PKNOX2: variants seen among roughly 807,000 people sequenced by gnomAD.
PKNOX2 encodes homeobox protein PKNOX2.
PKNOX2 carries 14 observed loss-of-function variants against 53.1 expected under a neutral mutation model. That is an observed-to-expected ratio of 0.26 (90% CI 0.17 to 0.41). The LOEUF is 0.41. Ranked by LOEUF, PKNOX2 falls within the 10% of genes least tolerant of loss-of-function variation. PKNOX2 has a pLI of 1.00. For missense variants in PKNOX2, 496 were observed against 602.8 expected, an observed-to-expected ratio of 0.82 and a Z score of 1.85; for synonymous variants, 257 against 242.8, an observed-to-expected ratio of 1.06 and a Z score of -0.54.
intron 2 of PKNOX2, among the ~76,000 whole-genome samples, chr11:125,293,213 C>T (rs1947421554): frequency 6.6e-6 from 1 of 152,124 alleles, no homozygotes; most frequent in South Asian, 2.1e-4. Flanking sequence ...TACACACACA[C>T]ACAACTATAT....
intron 2 of PKNOX2, among the ~76,000 whole-genome samples, chr11:125,289,882 C>T (rs1245189006): frequency 2.0e-5 from 3 of 152,304 alleles, no homozygotes; most frequent in Non-Finnish European, 2.9e-5. Context: ...AGGCTTCATC[C>T]GTTGCCCAAT....
intron 2 of PKNOX2, among the ~76,000 whole-genome samples, chr11:125,294,064 T>C (rs1947495986): frequency 6.6e-6 from 1 of 152,244 alleles, no homozygotes; most frequent in South Asian, 2.1e-4. Flanking sequence ...ACTAATGTTA[T>C]AATAATATTT....
At chr11:125,209,681 G>C (rs1021662490) in intron 1 of PKNOX2, among the ~76,000 whole-genome samples, 2 of 152,006 alleles carry the variant, frequency 1.3e-5, no homozygotes, top group Admixed American at 1.3e-4. Flanking sequence ...CAGGCTGGAG[G>C]GGGAGGAGGA....
At chr11:125,417,950 G>T (rs964513403) in intron 10 of PKNOX2, among the ~76,000 whole-genome samples, 1 of 152,006 alleles carries the variant, frequency 6.6e-6, no homozygotes, top group African/African-American at 2.4e-5. Context: ...CAAAAGCTGA[G>T]TGCACAAAAA....
chr11:125,399,846 C>A (rs1954630007), intron 7 of PKNOX2, among the ~76,000 whole-genome samples: 1 of 152,274 alleles, frequency 6.6e-6, no homozygotes, highest in Admixed American at 6.5e-5. Context: ...CCACCTCAGC[C>A]CCCTCAGGGT....
In PKNOX2 at chr11:125,280,317, C is replaced by A. The variant is rs567632363; in HGVS notation, c.-130+45202C>A. On this transcript the variant is annotated intron_variant, in intron 2 of 12. Coordinates refer to ENST00000298282, the MANE Select transcript of PKNOX2 (RefSeq NM_001382323.2). ...CAGACTCCTGGGGCTTCTTGAAGCT[C>A]AGCTTATAACCACCCCTCTCAACCT... 7.4e-4 allele frequency among the ~76,000 whole-genome samples: 112 copies of A among 152,258 alleles called. 1 individual carries two copies. Among genetic ancestry groups the A allele is most frequent in the African/African-American group, 2.6e-3 (107 of 41,542 alleles).
chr11:125,411,993 T>C (rs2135555056), intron 10 of PKNOX2, 128 bp downstream of exon 10: 3 of 1,438,034 alleles, frequency 2.1e-6, no homozygotes, highest in East Asian at 4.6e-5. Context: ...GAGAGCTCTC[T>C]GATAGGAATG....
intron 2 of PKNOX2, among the ~76,000 whole-genome samples, chr11:125,289,963 T>C (rs992872711): frequency 6.6e-6 from 1 of 152,170 alleles, no homozygotes; most frequent in African/African-American, 2.4e-5. Flanking sequence ...CCACAATCTG[T>C]TTCTATTTCA....
chr11:125,183,776 A>C (rs1453376036), intron 1 of PKNOX2, among the ~76,000 whole-genome samples: 1 of 152,160 alleles, frequency 6.6e-6, no homozygotes, highest in East Asian at 1.9e-4. Flanking sequence ...TGGATTAGCC[A>C]CTACAGTTGA....
intron 1 of PKNOX2, among the ~76,000 whole-genome samples, chr11:125,200,160 G>A (rs570165147): frequency 8.5e-5 from 13 of 152,268 alleles, no homozygotes; most frequent in East Asian, 1.9e-4. Flanking sequence ...GATGGTAACC[G>A]GAGCAGGGAC....
At chr11:125,260,018 C>G (rs535544595) in intron 2 of PKNOX2, among the ~76,000 whole-genome samples, 3 of 151,880 alleles carry the variant, frequency 2.0e-5, no homozygotes, top group Non-Finnish European at 4.4e-5. Context: ...GGACTACAAA[C>G]ACATCACCAT....
At chr11:125,355,084 C>A (rs750111944) in intron 4 of PKNOX2, among the ~76,000 whole-genome samples, 1 of 151,844 alleles carries the variant, frequency 6.6e-6, no homozygotes, top group Non-Finnish European at 1.5e-5. Context: ...TTGGCCAACA[C>A]GGTGAAACTC....
At chr11:125,279,891 T>C (rs1168184253) in intron 2 of PKNOX2, among the ~76,000 whole-genome samples, 2 of 152,184 alleles carry the variant, frequency 1.3e-5, no homozygotes, top group Non-Finnish European at 2.9e-5. Flanking sequence ...GCGGTTGCCA[T>C]AGCAACAGCC....
At chr11:125,262,159 G>C (rs1944902609) in intron 2 of PKNOX2, among the ~76,000 whole-genome samples, 1 of 152,200 alleles carries the variant, frequency 6.6e-6, no homozygotes, top group East Asian at 1.9e-4. Context: ...GTCAGATCCA[G>C]CTCTAGATGA....
At chr11:125,167,617 G>T (rs918586251) in intron 1 of PKNOX2, among the ~76,000 whole-genome samples, 4 of 152,230 alleles carry the variant, frequency 2.6e-5, no homozygotes. Context: ...AAAATGCCTC[G>T]TGCGAATTGC....
At chr11:125,389,945 AG>A (rs1565513939) in intron 6 of PKNOX2, among the ~76,000 whole-genome samples, 1 of 152,162 alleles carries the variant, frequency 6.6e-6, no homozygotes, top group Non-Finnish European at 1.5e-5. Context: ...AGGCAGGGCC[AG>A]AGGCGGAGGC....
intron 1 of PKNOX2, among the ~76,000 whole-genome samples, chr11:125,171,728 G>A (rs148910139): frequency 3.7e-4 from 57 of 152,318 alleles, no homozygotes; most frequent in East Asian, 1.2e-3. Flanking sequence ...GGTCACTGGC[G>A]TCTTCAACCA....
At chr11:125,214,776 T>C (rs1199868623) in intron 1 of PKNOX2, among the ~76,000 whole-genome samples, 1 of 151,992 alleles carries the variant, frequency 6.6e-6, no homozygotes, top group Non-Finnish European at 1.5e-5. Flanking sequence ...CCTCCTCTTT[T>C]TCTCTCTCTT....
At chr11:125,246,686 G>A (rs1255792271) in intron 2 of PKNOX2, among the ~76,000 whole-genome samples, 2 of 152,196 alleles carry the variant, frequency 1.3e-5, no homozygotes, top group Non-Finnish European at 1.5e-5. Context: ...CACCCCACAG[G>A]ATTGTTGGGA....
Sources: allele counts gnomAD v4.1 joint callset (sites outside exome capture counted in the v4.1 genomes callset), GRCh38; gene constraint gnomAD v4.1.1; transcripts MANE v1.5; gene names NCBI Gene and HGNC (gene_info 2026-07-23, HGNC 2026-07-21).